Variants in KLHL29 observed in about 807,000 individuals in gnomAD.
KLHL29 encodes the protein kelch like family member 29, also known as kelch-like protein 29.
KLHL29 carries 21 observed loss-of-function variants against 80.4 expected under a neutral mutation model. The observed-to-expected ratio is 0.26, with a 90% CI of 0.19 to 0.38. The LOEUF (loss-of-function observed/expected upper bound fraction) is 0.38. Among genes scored for constraint, KLHL29 ranks in the 10% least tolerant of loss-of-function variants. The pLI, the probability that KLHL29 is intolerant of heterozygous loss-of-function variation, is 1.00. For synonymous variants in KLHL29, 511 were observed against 526.8 expected (o/e 0.97, Z 0.41); for missense variants, 867 against 1,223.9 (o/e 0.71, Z 4.35).
chr2:23,678,922 G>A (rs1170500047), intron 5 of KLHL29, among the ~76,000 whole-genome samples: 4 of 152,128 alleles, frequency 2.6e-5, no homozygotes, highest in South Asian at 2.1e-4. Flanking sequence ...GAGGTGGGGA[G>A]TGGTTGTTTA....
intron 6 of KLHL29, among the ~76,000 whole-genome samples, chr2:23,688,012 A>G (rs1055381121): frequency 1.3e-5 from 2 of 152,198 alleles, no homozygotes; most frequent in East Asian, 3.9e-4. Flanking sequence ...GGGTCCCGGC[A>G]AAGTCCTGCC....
chr2:23,497,183 C>T (rs911588052), intron 2 of KLHL29, among the ~76,000 whole-genome samples: 8 of 152,230 alleles, frequency 5.3e-5, no homozygotes, highest in East Asian at 1.9e-4. Flanking sequence ...TGGGTATTTC[C>T]GCTGGGTTGG....
chr2:23,660,783 T>C (rs892264348), intron 5 of KLHL29, among the ~76,000 whole-genome samples: 1 of 152,152 alleles, frequency 6.6e-6, no homozygotes, highest in Non-Finnish European at 1.5e-5. Flanking sequence ...CCCAGCACTT[T>C]GGGAGGCCAA....
At chr2:23,393,662 A>G (rs540499967) in intron 1 of KLHL29, among the ~76,000 whole-genome samples, 268 of 152,282 alleles carry the variant, frequency 1.8e-3, no homozygotes, top group African/African-American at 6.3e-3. Context: ...TTTTCTCGAG[A>G]TGGGTGTGAA....
At chr2:23,533,937 T>TG (rs917521782) in intron 2 of KLHL29, among the ~76,000 whole-genome samples, 15 of 144,370 alleles carry the variant, frequency 1.0e-4, no homozygotes, top group Non-Finnish European at 9.4e-5. Context: ...TGTCTGTTGT[T>TG]TTTTTTTTTT....
At chr2:23,601,043 G>A (rs1046715770) in intron 3 of KLHL29, among the ~76,000 whole-genome samples, 1 of 152,146 alleles carries the variant, frequency 6.6e-6, no homozygotes, top group African/African-American at 2.4e-5. Flanking sequence ...AGAAAACTGA[G>A]GCCTAGAGAA....
intron 5 of KLHL29, among the ~76,000 whole-genome samples, chr2:23,649,950 C>T (rs1670045960): frequency 6.6e-6 from 1 of 152,196 alleles, no homozygotes; most frequent in Non-Finnish European, 1.5e-5. Context: ...CCCCTCCCTC[C>T]CTGCTGCACC....
intron 2 of KLHL29, among the ~76,000 whole-genome samples, chr2:23,552,394 A>G (rs980032571): frequency 3.3e-5 from 5 of 152,180 alleles, no homozygotes; most frequent in Non-Finnish European, 5.9e-5. Flanking sequence ...TTGTACATCA[A>G]TCACACCTCA....
chr2:23,673,799 CA>C (rs1558434455), intron 5 of KLHL29, among the ~76,000 whole-genome samples: 3 of 151,966 alleles, frequency 2.0e-5, no homozygotes, highest in East Asian at 1.9e-4. Context: ...CATTAGCACA[CA>C]GGGGTGCATA....
chr2:23,541,785 A>T (rs1050825028), intron 2 of KLHL29, among the ~76,000 whole-genome samples: 3 of 151,216 alleles, frequency 2.0e-5, no homozygotes, highest in Admixed American at 6.6e-5. Flanking sequence ...AAAAAAAAAA[A>T]CCATAAAACT....
At chr2:23,424,891 C>T (rs893378490) in intron 1 of KLHL29, among the ~76,000 whole-genome samples, 7 of 152,190 alleles carry the variant, frequency 4.6e-5, no homozygotes, top group Non-Finnish European at 8.8e-5. Context: ...TTCTAACGAT[C>T]GGGTCACAAA....
rs1489328226 is a variant in KLHL29 at position 23,696,696 on chromosome 2, G to A, written c.2105+183G>A. 5 of 557,786 alleles carry A rather than the reference G, an allele frequency of 9.0e-6. No individual in the cohort carries two copies. The highest frequency in any genetic ancestry group is 1.6e-5 in the Non-Finnish European group (5 of 319,092). The allele number at this position is 557,786 out of a possible 1,614,324, so 34.6% of individuals were successfully genotyped here. On this transcript the variant is annotated intron_variant, in intron 11 of 13. Coordinates refer to ENST00000486442, the MANE Select transcript of KLHL29 (RefSeq NM_052920.2). This position sits in a 1 kb window ranked among gnomAD's most constrained non-coding sequence, Gnocchi z 5.5. ...GGGGGCAGCAGGGTGTGGGATACAAGCAGATGGGATGACATCTGTGTCACC... is the reference window on the plus strand; with the variant it reads ...GGGGGCAGCAGGGTGTGGGATACAAACAGATGGGATGACATCTGTGTCACC...
At chr2:23,611,956 G>C (rs1668882221) in intron 3 of KLHL29, among the ~76,000 whole-genome samples, 1 of 151,072 alleles carries the variant, frequency 6.6e-6, no homozygotes, top group Admixed American at 6.6e-5. Flanking sequence ...AGAGAGACCA[G>C]AGAAAAAATG....
chr2:23,655,561 T>C (rs1396672874), intron 5 of KLHL29, among the ~76,000 whole-genome samples: 1 of 152,156 alleles, frequency 6.6e-6, no homozygotes, highest in Non-Finnish European at 1.5e-5. Context: ...ATTCTTGTTC[T>C]TAGCAAATTC....
At chr2:23,427,831 G>A (rs1190971384) in intron 1 of KLHL29, among the ~76,000 whole-genome samples, 1 of 152,174 alleles carries the variant, frequency 6.6e-6, no homozygotes, top group Non-Finnish European at 1.5e-5. Context: ...TCTGTTCTGT[G>A]GAATATTCTG....
chr2:23,586,509 G>A (rs1156392896), intron 3 of KLHL29, among the ~76,000 whole-genome samples: 3 of 151,704 alleles, frequency 2.0e-5, no homozygotes, highest in Admixed American at 6.6e-5. Context: ...ACAGGCACCT[G>A]CCACCATGCC....
intron 5 of KLHL29, among the ~76,000 whole-genome samples, chr2:23,645,754 A>C (rs1208906556): frequency 6.6e-6 from 1 of 152,198 alleles, no homozygotes; most frequent in Non-Finnish European, 1.5e-5. Flanking sequence ...CTTCTGATCG[A>C]CTGAGCTCAA....
intron 2 of KLHL29, among the ~76,000 whole-genome samples, chr2:23,505,877 C>A (rs995337891): frequency 6.6e-6 from 1 of 152,202 alleles, no homozygotes; most frequent in Admixed American, 6.5e-5. Flanking sequence ...TCAGAGGACA[C>A]CTGACCCAGT....
intron 1 of KLHL29, among the ~76,000 whole-genome samples, chr2:23,417,545 C>A (rs919238592): frequency 6.6e-6 from 1 of 152,214 alleles, no homozygotes; most frequent in Non-Finnish European, 1.5e-5. Context: ...TCCCCACTTT[C>A]CTGATGGAGA....
Sources: gnomAD v4.1 joint callset for allele counts (sites outside exome capture counted in the v4.1 genomes callset) on GRCh38, gnomAD v4.1.1 for gene constraint, Gnocchi (gnomAD v3.1) non-coding constraint, MANE v1.5 for transcripts, NCBI Gene and HGNC (gene_info 2026-07-23, HGNC 2026-07-21) for gene names.